DNAJC21: variants seen among roughly 807,000 people sequenced by gnomAD.
The protein encoded by DNAJC21 is dnaJ homolog subfamily C member 21.
A neutral mutation model predicts 72.4 loss-of-function variants in DNAJC21; 63 were observed. The ratio of observed to expected loss-of-function variants is 0.87; its 90% CI spans 0.71 to 1.07. The LOEUF is 1.07. Among genes scored for constraint, DNAJC21 ranks in the 50% least tolerant of loss-of-function variants. DNAJC21 has a pLI of 0.00. For missense variants in DNAJC21, 634 were observed against 644.8 expected (o/e 0.98, Z 0.18); for synonymous variants, 203 against 216.7 (o/e 0.94, Z 0.56).
chr5:34,935,380 C>T (rs1240588794), intron 2 of DNAJC21, among the ~76,000 whole-genome samples: 1 of 152,134 alleles, frequency 6.6e-6, no homozygotes, highest in Non-Finnish European at 1.5e-5. Flanking sequence ...ATTCTGTGGG[C>T]CAGATTTCCT....
chr5:34,936,350 ACT>A, intron 4 of DNAJC21, 84 bp downstream of exon 4: 1 of 1,497,588 alleles, frequency 6.7e-7, no homozygotes, highest in East Asian at 2.3e-5. Flanking sequence ...AGATGGTCTC[ACT>A]CTGTCACCCA....
At chr5:34,947,248 A>G (rs548374311) in intron 9 of DNAJC21, among the ~76,000 whole-genome samples, 190 of 152,318 alleles carry the variant, frequency 1.2e-3, no homozygotes, top group African/African-American at 4.3e-3. Context: ...ATTTAATTCA[A>G]GTAACTCAAA....
intron 9 of DNAJC21, among the ~76,000 whole-genome samples, chr5:34,947,933 TAAAA>T (rs571905382): frequency 2.0e-5 from 3 of 151,460 alleles, no homozygotes; most frequent in Admixed American, 6.6e-5. Context: ...AATAGTTCTG[TAAAA>T]AAAAATCCTG....
At chr5:34,948,614 C>A (rs1464579905) in intron 9 of DNAJC21, among the ~76,000 whole-genome samples, 2 of 152,210 alleles carry the variant, frequency 1.3e-5, no homozygotes, top group East Asian at 3.8e-4. Flanking sequence ...CGCCTGTAAT[C>A]CCAGAACTTT....
chr5:34,933,994 C>T lies in DNAJC21; in HGVS notation c.191+86C>T, dbSNP rs946566818. The T allele has an allele frequency of 3.0e-4, 355 of 1,190,610 alleles. 1 individual carries two copies. The African/African-American group carries it at 4.9e-3, about 16-fold the overall frequency. The allele number at this position is 1,190,610 out of a possible 1,614,324, so 73.8% of individuals were successfully genotyped here. ...GGTGGTTGTTTTTTCAAATTTAGTA[C>T]ATTAAATGGTTTTTGGTGTGTTCTG... On this transcript the variant is annotated intron_variant, in intron 2 of 11. Coordinates refer to ENST00000648817, the MANE Select transcript of DNAJC21 (RefSeq NM_001012339.3).
At position 34,935,891 on chromosome 5, in the gene DNAJC21, A is replaced by T. The variant is rs952670132; in HGVS notation, c.315+58A>T. On this transcript the variant is annotated intron_variant, in intron 3 of 11. Coordinates refer to ENST00000648817, the MANE Select transcript of DNAJC21 (RefSeq NM_001012339.3). ...TCAAGTACTTCATTAAGACTCACATACAAAGAGAATTCTTAAAACTATTCT... is the reference window on the plus strand; with the variant it reads ...TCAAGTACTTCATTAAGACTCACATTCAAAGAGAATTCTTAAAACTATTCT... 2.4e-5 allele frequency: 39 copies of T among 1,601,908 alleles called. 1 individual carries two copies. In the South Asian group the frequency reaches 4.2e-4, roughly 17 times the overall value.
chr5:34,954,711 A>C lies in DNAJC21; in HGVS notation c.1593A>C (p.Arg531Ser). The change falls in exon 12 of 12, where the codon AGA (arginine) becomes AGC (serine). Residue 531 changes from arginine (R) to serine (S), a missense_variant. Physicochemically the swap from Arg to Ser is moderately radical, Grantham distance 110 (BLOSUM62 -1). Coordinates refer to ENST00000648817, the MANE Select transcript of DNAJC21 (RefSeq NM_001012339.3). ...SQSKKEKRKN[R>S] Reference sequence around the variant, plus strand: ...GCAAGAAAGAGAAACGTAAAAACAGATAGAGATTCTGCCTGTGCTTTTGTT... The same window carrying C: ...GCAAGAAAGAGAAACGTAAAAACAGCTAGAGATTCTGCCTGTGCTTTTGTT... The C allele has an allele frequency of 6.3e-7, 1 of 1,594,044 alleles. No homozygotes were observed. The highest frequency in any genetic ancestry group is 8.5e-7 in the Non-Finnish European group (1 of 1,171,242).
Position 34,958,667 on chromosome 5 carries a change from AG to A in DNAJC21, c.*3954del, listed in dbSNP as rs935488259. The A allele has an allele frequency of 1.3e-5, 2 of 152,220 alleles. No homozygotes were observed. The highest frequency in any genetic ancestry group is 4.8e-5 in the African/African-American group (2 of 41,460). The allele number at this position is 152,220 out of a possible 1,614,324, so 9.4% of individuals were successfully genotyped here. On this transcript the variant is annotated 3_prime_UTR_variant, in exon 12 of 12. Transcript: ENST00000648817. ...AGGATTCGTATCTGGAATACATTAA[AG>A]AAGCAAAAGAACCTCATACAAAAGT... is the stretch of plus-strand genomic sequence containing the variant.
At chr5:34,937,653 T>C (rs1561183610) in intron 5 of DNAJC21, 23 bp downstream of exon 5, 2 of 1,592,224 alleles carry the variant, frequency 1.3e-6, no homozygotes, top group Admixed American at 1.8e-5. Context: ...CGTGGGGCCC[T>C]CTTCTCAGTA....
chr5:34,937,874 C>T (rs1365531425), intron 5 of DNAJC21, among the ~76,000 whole-genome samples: 1 of 152,206 alleles, frequency 6.6e-6, no homozygotes, highest in African/African-American at 2.4e-5. Context: ...CGGCTCACTG[C>T]AACCTCCGCC....
intron 11 of DNAJC21, 68 bp from the exon 12 acceptor site, chr5:34,954,485 T>C: frequency 2.0e-6 from 3 of 1,482,764 alleles, no homozygotes; most frequent in African/African-American, 2.9e-5. Flanking sequence ...AATCTTGATA[T>C]TAAAACCTAA....
intron 5 of DNAJC21, 73 bp downstream of exon 5, chr5:34,937,703 G>A: frequency 6.6e-7 from 1 of 1,511,230 alleles, no homozygotes; most frequent in Non-Finnish European, 8.9e-7. Flanking sequence ...TACCTTACAT[G>A]TTCATGTTGG....
At chr5:34,938,802 G>A (rs1442385517) in intron 5 of DNAJC21, 56 bp from the exon 6 acceptor site, 2 of 1,486,530 alleles carry the variant, frequency 1.3e-6, no homozygotes, top group East Asian at 2.5e-5. Context: ...TAAGTAGTAA[G>A]TGAAAACCAT....
At chr5:34,953,275 TC>T (rs1203535570) in intron 10 of DNAJC21, among the ~76,000 whole-genome samples, 2 of 151,720 alleles carry the variant, frequency 1.3e-5, no homozygotes, top group Non-Finnish European at 2.9e-5. Flanking sequence ...CTTTTTTTTT[TC>T]CCCCTGAAAC....
chr5:34,954,865 T>A lies in DNAJC21; in HGVS notation c.*151T>A. The A allele has an allele frequency of 3.2e-6, 3 of 926,056 alleles. No homozygotes were observed. The highest frequency in any genetic ancestry group is 4.5e-6 in the Non-Finnish European group (3 of 664,406). The allele number at this position is 926,056 out of a possible 1,614,324, so 57.4% of individuals were successfully genotyped here. ...ATCTTGTAAAAACACTTTTTTGGTTTAATATATATTTTTAAAACATTTCAC... is the reference window on the plus strand; with the variant it reads ...ATCTTGTAAAAACACTTTTTTGGTTAAATATATATTTTTAAAACATTTCAC... On this transcript the variant is annotated 3_prime_UTR_variant, in exon 12 of 12. Transcript: ENST00000648817.
intron 10 of DNAJC21, chr5:34,952,066 T>C: frequency 1.0e-6 from 1 of 985,438 alleles, no homozygotes; most frequent in Non-Finnish European, 1.2e-6. Flanking sequence ...GCTCCTCTGT[T>C]GCTTCTCTGG....
At chr5:34,941,431 C>T (rs552344855) in intron 7 of DNAJC21, among the ~76,000 whole-genome samples, 6 of 152,222 alleles carry the variant, frequency 3.9e-5, no homozygotes, top group Non-Finnish European at 7.4e-5. Context: ...CCATGTTGTC[C>T]AGGTTGGTCT....
At chr5:34,951,936 A>G (rs2112101245) in intron 10 of DNAJC21, 1 of 985,512 alleles carries the variant, frequency 1.0e-6, no homozygotes, top group Non-Finnish European at 1.2e-6. Flanking sequence ...GAAAGGATTC[A>G]GAGAATTCAA....
chr5:34,945,484 TATA>T (rs1350646946), intron 8 of DNAJC21, among the ~76,000 whole-genome samples: 1 of 152,240 alleles, frequency 6.6e-6, no homozygotes, highest in Non-Finnish European at 1.5e-5. Context: ...AGACGTCAAC[TATA>T]ATATTTATAG....
Sources: allele counts gnomAD v4.1 joint callset (sites outside exome capture counted in the v4.1 genomes callset), GRCh38; gene constraint gnomAD v4.1.1; transcripts MANE v1.5; gene names NCBI Gene and HGNC (gene_info 2026-07-23, HGNC 2026-07-21).